The following KCNAB1 variants were observed in gnomAD, a reference collection of about 807,000 sequenced individuals.
KCNAB1 encodes the protein voltage-gated potassium channel subunit beta-1.
In KCNAB1, 35 loss-of-function variants were observed where a neutral mutation model predicts 64.6. The observed-to-expected ratio is 0.54, with a 90% CI of 0.41 to 0.72. The LOEUF (loss-of-function observed/expected upper bound fraction) is 0.72, where lower values mean the gene tolerates loss of function less well. KCNAB1 is among the 30% of genes least tolerant of loss of function. The pLI is 0.00. For synonymous variants in KCNAB1, 177 were observed against 183.8 expected, an observed-to-expected ratio of 0.96 and a Z score of 0.30; for missense variants, 401 against 512.9, an observed-to-expected ratio of 0.78 and a Z score of 2.11.
At chr3:156,469,440 G>A (rs1277587797) in intron 7 of KCNAB1, among the ~76,000 whole-genome samples, 2 of 151,746 alleles carry the variant, frequency 1.3e-5, no homozygotes, top group African/African-American at 4.8e-5. Flanking sequence ...TGTATTTTTA[G>A]TAGAGGCAGG....
At chr3:156,514,893 C>T (rs528217111) in intron 9 of KCNAB1, among the ~76,000 whole-genome samples, 55 of 152,300 alleles carry the variant, frequency 3.6e-4, no homozygotes, top group Admixed American at 3.3e-3. Flanking sequence ...TCAATCCAAA[C>T]CCTCCCAAAG....
At chr3:156,209,676 A>C (rs1469666863) in intron 1 of KCNAB1, among the ~76,000 whole-genome samples, 18 of 152,244 alleles carry the variant, frequency 1.2e-4, no homozygotes, top group Admixed American at 1.1e-3. Flanking sequence ...GGAAAATTCC[A>C]CCATAGCACA....
intron 2 of KCNAB1, among the ~76,000 whole-genome samples, chr3:156,434,319 A>C (rs558687066): frequency 2.0e-4 from 31 of 152,204 alleles, no homozygotes; most frequent in Non-Finnish European, 4.4e-4. Flanking sequence ...CAACGACTTG[A>C]GTATTCTCAC....
chr3:156,395,571 A>AAAAAAAAAAAAAAAAAC, intron 1 of KCNAB1, among the ~76,000 whole-genome samples: 1 of 140,018 alleles, frequency 7.1e-6, no homozygotes, highest in Non-Finnish European at 1.5e-5. Flanking sequence ...AAAAAAAAAA[A>AAAAAAAAAAAAAAAAAC]AAAAAAAAAA....
Position 156,143,569 on chromosome 3 carries a change from G to GTTTTTTT in KCNAB1, c.275+22705_275+22711dup, listed in dbSNP as rs56216211. On this transcript the variant is annotated intron_variant, in intron 1 of 13. Transcript: ENST00000490337. The stretch of plus-strand genomic sequence containing the variant: ...AGCCCTCTTCTTGGGTTGCATTCTT[G>GTTTTTTT]TTTTTTTTTTTTTTTTTTTTTTTTT... 7.5e-4 allele frequency: 224 copies of GTTTTTTT among 296,898 alleles called. 4 individuals carry two copies. The highest frequency in any genetic ancestry group is 4.2e-3 in the African/African-American group (144 of 34,274). The allele number at this position is 296,898 out of a possible 1,614,324, so 18.4% of individuals were successfully genotyped here.
At chr3:156,293,621 G>A (rs1485451870) in intron 1 of KCNAB1, among the ~76,000 whole-genome samples, 1 of 152,186 alleles carries the variant, frequency 6.6e-6, no homozygotes, top group African/African-American at 2.4e-5. Flanking sequence ...CATAACTAAA[G>A]CTCTTTACCC....
At chr3:156,402,151 T>TA (rs79992613) in intron 1 of KCNAB1, among the ~76,000 whole-genome samples, 12,395 of 141,834 alleles carry the variant, frequency 0.087, 603 homozygotes, top group Middle Eastern at 0.14. Flanking sequence ...AAGTATAATT[T>TA]AAAAAAAAAA....
At chr3:156,341,293 TA>T (rs1372702714) in intron 1 of KCNAB1, among the ~76,000 whole-genome samples, 1 of 152,274 alleles carries the variant, frequency 6.6e-6, no homozygotes, top group East Asian at 1.9e-4. Context: ...ACATACAAAA[TA>T]AAACCCAAAT....
Position 156,421,478 on chromosome 3 carries a change from C to T in KCNAB1, c.276-138C>T, listed in dbSNP as rs1715460460. ...CATGCAAGGGAGACCTGTCTCAAGA[C>T]AATATGCCGGCATCTGTGGTTCTGC... On this transcript the variant is annotated intron_variant, in intron 1 of 13. Coordinates refer to ENST00000490337, the MANE Select transcript of KCNAB1 (RefSeq NM_172160.3). The T allele has an allele frequency of 3.8e-6, 3 of 784,224 alleles. No individual in the cohort carries two copies. The South Asian group carries it at 5.6e-5, about 15-fold the overall frequency. The allele number at this position is 784,224 out of a possible 1,614,324, so 48.6% of individuals were successfully genotyped here. A position where few individuals can be genotyped will look rare whatever the true frequency, so the allele number is the denominator to read the frequency against.
Position 156,531,463 on chromosome 3 carries a change from C to G in KCNAB1, c.1136C>G (p.Pro379Arg), listed in dbSNP as rs991123786. 1.2e-6 allele frequency: 2 copies of G among 1,613,960 alleles called. No individual in the cohort carries two copies. Among genetic ancestry groups the G allele is most frequent in the African/African-American group, 2.7e-5 (2 of 74,922 alleles). The part of the protein sequence containing the change: ...VSSVLLGSST[P>R]EQLIENLGAI... ...TCTGTGCTCCTGGGATCATCCACTC[C>G]TGAACAACTCATTGAAAACCTTGGT... The change falls in exon 13 of 14, where the codon CCT becomes CGT. Residue 379 changes from proline to arginine, a missense_variant. Pro to Arg is a moderately radical substitution (Grantham distance 103). Coordinates refer to ENST00000490337, the MANE Select transcript of KCNAB1 (RefSeq NM_172160.3).
rs1559924989 is a variant in KCNAB1, at chr3:156,515,130, A to G, written c.775A>G (p.Met259Val). 1.9e-6 allele frequency: 3 copies of G among 1,613,412 alleles called. No homozygotes were observed. Among genetic ancestry groups the G allele is most frequent in the East Asian group, 2.2e-5 (1 of 44,848 alleles). Residue 259 changes from methionine to valine, a missense_variant, in exon 10 of 14, where the codon ATG becomes GTG. Physicochemically the swap from Met to Val is conservative, Grantham distance 21 (BLOSUM62 1). Coordinates refer to ENST00000490337, the MANE Select transcript of KCNAB1 (RefSeq NM_172160.3). ...EAYSVARQFN[M>V]IPPVCEQAEY... Reference sequence around the variant, plus strand: ...CTATTCTGTAGCAAGACAGTTCAATATGATCCCACCGGTCTGTGAACAAGC... The same window carrying G: ...CTATTCTGTAGCAAGACAGTTCAATGTGATCCCACCGGTCTGTGAACAAGC...
intron 1 of KCNAB1, among the ~76,000 whole-genome samples, chr3:156,419,553 A>G (rs973878409): frequency 6.6e-6 from 1 of 152,034 alleles, no homozygotes; most frequent in African/African-American, 2.4e-5. Flanking sequence ...TCTGAACTAT[A>G]GAGACTTAGC....
intron 1 of KCNAB1, among the ~76,000 whole-genome samples, chr3:156,258,868 C>A (rs1349525062): frequency 6.6e-6 from 1 of 152,178 alleles, no homozygotes; most frequent in East Asian, 1.9e-4. Flanking sequence ...GTTGAGTGAG[C>A]CAGCACTGGG....
chr3:156,291,410 T>C (rs1482413659), intron 1 of KCNAB1: 2 of 999,280 alleles, frequency 2.0e-6, no homozygotes, highest in Non-Finnish European at 2.4e-6. Context: ...CAGTTGAGCA[T>C]CCTGCCTGTG....
In KCNAB1 at chr3:156,390,156, G is replaced by A. The variant is rs1430217690; in HGVS notation, c.276-31460G>A. The stretch of plus-strand genomic sequence containing the variant: ...AAGGGCTTTCTTCAAACCTATGAAA[G>A]CAGCTCTAGCTGAGATCAGAAGGCT... On this transcript the variant is annotated intron_variant, in intron 1 of 13. Coordinates refer to ENST00000490337, the MANE Select transcript of KCNAB1 (RefSeq NM_172160.3). Among the ~76,000 whole-genome samples, 4 of 152,328 alleles carry A rather than the reference G, an allele frequency of 2.6e-5. No homozygotes were observed. In the South Asian group the frequency reaches 6.2e-4, roughly 24 times the overall value.
intron 7 of KCNAB1, among the ~76,000 whole-genome samples, chr3:156,469,598 T>G (rs953821957): frequency 6.6e-6 from 1 of 152,196 alleles, no homozygotes; most frequent in Non-Finnish European, 1.5e-5. Flanking sequence ...TCTTAGGAAC[T>G]AATCTCTGAG....
Position 156,342,700 on chromosome 3 carries a change from C to T in KCNAB1, c.276-78916C>T, listed in dbSNP as rs140956838. Among the ~76,000 whole-genome samples, 364 of 147,074 alleles carry T rather than the reference C, an allele frequency of 2.5e-3. 3 individuals carry two copies. The highest frequency in any genetic ancestry group is 8.5e-3 in the African/African-American group (338 of 39,814). On this transcript the variant is annotated intron_variant, in intron 1 of 13. Coordinates refer to ENST00000490337, the MANE Select transcript of KCNAB1 (RefSeq NM_172160.3). Reference sequence around the variant, plus strand: ...TATGTATACATGTGCCATGCTGGTGCGCTGCGCCCACTAACGTGTCATCTA... The same window carrying T: ...TATGTATACATGTGCCATGCTGGTGTGCTGCGCCCACTAACGTGTCATCTA...
intron 1 of KCNAB1, among the ~76,000 whole-genome samples, chr3:156,212,555 G>A (rs979848740): frequency 6.6e-6 from 1 of 152,164 alleles, no homozygotes; most frequent in Non-Finnish European, 1.5e-5. Context: ...TGGGGGATGC[G>A]AAGGGAGACA....
chr3:156,503,333 A>C (rs1029941132), intron 8 of KCNAB1, among the ~76,000 whole-genome samples: 26 of 152,258 alleles, frequency 1.7e-4, no homozygotes, highest in Admixed American at 6.5e-4. Flanking sequence ...ACAGGGAAAT[A>C]ATGAGGATAG....
Sources: allele counts gnomAD v4.1 joint callset (sites outside exome capture counted in the v4.1 genomes callset), GRCh38; gene constraint gnomAD v4.1.1; transcripts MANE v1.5; gene names NCBI Gene and HGNC (gene_info 2026-07-23, HGNC 2026-07-21).